The following SNX8 variants were observed in gnomAD, a reference collection of about 807,000 sequenced individuals.
SNX8 encodes the protein sorting nexin 8.
In SNX8, 25 loss-of-function variants were observed where a neutral mutation model predicts 51.6. That is an observed-to-expected ratio of 0.48 (90% CI 0.35 to 0.68). The LOEUF is 0.68. Ranked by LOEUF, SNX8 falls within the 30% of genes least tolerant of loss-of-function variation. The probability of loss-of-function intolerance (pLI) is 0.00; values close to 1 mark genes in which losing one functional copy is unlikely to be tolerated. For synonymous variants in SNX8, 324 were observed against 277.0 expected, an observed-to-expected ratio of 1.17 and a Z score of -1.68; for missense variants, 695 against 624.0, an observed-to-expected ratio of 1.11 and a Z score of -1.21.
chr7:2,333,839 CATAAAA>C (rs1778780015), intron 1 of SNX8, among the ~76,000 whole-genome samples: 1 of 152,162 alleles, frequency 6.6e-6, no homozygotes, highest in Non-Finnish European at 1.5e-5. Context: ...TAGGTCTAAA[CATAAAA>C]GTTGGCCAGG....
chr7:2,349,375 G>A (rs78171303), intron 1 of SNX8, among the ~76,000 whole-genome samples: 6,399 of 151,510 alleles, frequency 0.042, 434 homozygotes, highest in African/African-American at 0.14. Context: ...CCTTTTTTAA[G>A]TGTTATATTT....
At chr7:2,304,497 T>TCG (rs1796502313) in intron 1 of SNX8, among the ~76,000 whole-genome samples, 1 of 150,336 alleles carries the variant, frequency 6.7e-6, no homozygotes, top group Non-Finnish European at 1.5e-5. Flanking sequence ...CGAGCGGAGA[T>TCG]TGCCCCACTG....
intron 2 of SNX8, among the ~76,000 whole-genome samples, chr7:2,277,055 G>A (rs1008559616): frequency 2.0e-5 from 3 of 152,242 alleles, no homozygotes; most frequent in Non-Finnish European, 4.4e-5. Context: ...GGCCAGGGCC[G>A]CCCTCTCCCA....
At chr7:2,346,095 C>T (rs1313691823) in intron 1 of SNX8, among the ~76,000 whole-genome samples, 4 of 152,156 alleles carry the variant, frequency 2.6e-5, no homozygotes, top group African/African-American at 2.4e-5. Context: ...GCGTGAGCCA[C>T]CACACCCAGC....
chr7:2,263,272 C>T lies in SNX8; in HGVS notation c.873G>A (p.Leu291=), dbSNP rs1284894362. 1 of 1,613,868 alleles carries T rather than the reference C, an allele frequency of 6.2e-7. No individual in the cohort carries two copies. Among genetic ancestry groups the T allele is most frequent in the Non-Finnish European group, 8.5e-7 (1 of 1,180,036 alleles). The part of the protein sequence containing the change: ...WGSLKQALKG[L]SVEFALLADK... ...CGGCGAGCAGCGCGAATTCCACAGA[C>T]AGGCCTTTCAGAGCCTGCTTCAGGG... Residue 291 remains leucine (L), a synonymous_variant, in exon 7 of 11, where the codon CTG becomes CTA. Transcript: ENST00000222990.
chr7:2,282,567 G>A (rs750354900), intron 1 of SNX8, among the ~76,000 whole-genome samples: 34 of 152,190 alleles, frequency 2.2e-4, no homozygotes, highest in Non-Finnish European at 5.9e-5. Flanking sequence ...CCCATCTCCC[G>A]CCCAGTGTCT....
chr7:2,281,296 G>GTA (rs1291698461), intron 1 of SNX8, among the ~76,000 whole-genome samples: 1 of 151,934 alleles, frequency 6.6e-6, no homozygotes, highest in East Asian at 1.9e-4. Context: ...GGCGCAACCT[G>GTA]TAGTCCCAGC....
intron 1 of SNX8, among the ~76,000 whole-genome samples, chr7:2,295,402 CAAA>C (rs35446427): frequency 3.3e-5 from 3 of 91,918 alleles, no homozygotes; most frequent in South Asian, 3.7e-4. Context: ...TACTCCATCT[CAAA>C]AAAAAAAAAA....
intron 1 of SNX8, among the ~76,000 whole-genome samples, chr7:2,324,437 T>C (rs914351094): frequency 5.9e-5 from 9 of 151,636 alleles, no homozygotes; most frequent in African/African-American, 2.2e-4. Context: ...ATTACAGGCA[T>C]GCGCCACCAC....
intron 1 of SNX8, among the ~76,000 whole-genome samples, chr7:2,303,571 G>T (rs1676269422): frequency 1.3e-5 from 2 of 152,234 alleles, no homozygotes; most frequent in African/African-American, 2.4e-5. Flanking sequence ...TGTGTAGAAA[G>T]AAGTAGACAT....
At position 2,255,040 on chromosome 7, in the gene SNX8, AC is replaced by A. The variant is rs1795142113; in HGVS notation, c.*15del. On this transcript the variant is annotated 3_prime_UTR_variant, in exon 11 of 11. Coordinates refer to ENST00000222990, the MANE Select transcript of SNX8 (RefSeq NM_013321.4). ...TTTTAGTGCGGCCGCAGGGAGCACC[AC>A]CTCAGCCTCAGGCGCTAGTGAGGAC... is the stretch of plus-strand genomic sequence containing the variant. 6.6e-7 allele frequency: 1 copy of A among 1,507,896 alleles called. No homozygotes were observed. Among genetic ancestry groups the A allele is most frequent in the Non-Finnish European group, 9.0e-7 (1 of 1,106,472 alleles). 93.4% of individuals were successfully genotyped at this position (1,507,896 alleles called of 1,614,324 possible).
chr7:2,269,523 T>TA (rs375189373), intron 5 of SNX8, 36 bp downstream of exon 5: 96,342 of 867,602 alleles, frequency 0.11, 93 homozygotes, highest in South Asian at 0.15. Flanking sequence ...AAAAATAAAT[T>TA]AAAAAAAAAA....
intron 2 of SNX8, among the ~76,000 whole-genome samples, 178 bp downstream of exon 2, chr7:2,277,922 G>A (rs1381757618): frequency 6.6e-6 from 1 of 152,104 alleles, no homozygotes; most frequent in Non-Finnish European, 1.5e-5. Context: ...GGGAGCAGAG[G>A]TGTGGAAAAG....
intron 7 of SNX8, among the ~76,000 whole-genome samples, chr7:2,262,176 T>C (rs1247444148): frequency 6.6e-6 from 1 of 152,152 alleles, no homozygotes. Flanking sequence ...TAGCTGGGAC[T>C]ACAGACACGC....
At chr7:2,346,470 A>G (rs1478677763) in intron 1 of SNX8, among the ~76,000 whole-genome samples, 2 of 151,280 alleles carry the variant, frequency 1.3e-5, no homozygotes, top group Non-Finnish European at 2.9e-5. Context: ...TGAGGCAGCC[A>G]GGCACGGTGG....
rs1796717981 is a variant in SNX8 at position 2,314,342 on chromosome 7, T to C, written c.80A>G (p.Asp27Gly). The change falls in exon 1 of 11, where the codon GAT becomes GGT. Residue 27 changes from aspartate to glycine, a missense_variant. Coordinates refer to ENST00000222990, the MANE Select transcript of SNX8 (RefSeq NM_013321.4). ...AAEAEADEEA[D>G]PPASDLPTPQ... ...CCACGCCCTACCTGACGCCGGGGGATCCGCCTCCTCGTCAGCCTCCGCCTC... is the reference window on the plus strand; with the variant it reads ...CCACGCCCTACCTGACGCCGGGGGACCCGCCTCCTCGTCAGCCTCCGCCTC... 1.6e-6 allele frequency: 2 copies of C among 1,223,464 alleles called. No individual in the cohort carries two copies. The highest frequency in any genetic ancestry group is 2.0e-6 in the Non-Finnish European group (2 of 982,456). The allele number at this position is 1,223,464 out of a possible 1,614,324, so 75.8% of individuals were successfully genotyped here.
chr7:2,313,825 G>T (rs968703433), intron 1 of SNX8, among the ~76,000 whole-genome samples: 1 of 152,246 alleles, frequency 6.6e-6, no homozygotes, highest in Non-Finnish European at 1.5e-5. Context: ...TCGGTTCACA[G>T]ATGAGAAAAC....
intron 2 of SNX8, among the ~76,000 whole-genome samples, chr7:2,276,529 G>A (rs1337697825): frequency 1.3e-5 from 2 of 152,134 alleles, no homozygotes; most frequent in Non-Finnish European, 2.9e-5. Context: ...AAGGCCAGGT[G>A]CAGTGGCTCA....
chr7:2,310,006 A>G (rs1796629784), intron 1 of SNX8: 1 of 391,232 alleles, frequency 2.6e-6, no homozygotes, highest in African/African-American at 2.1e-5. Flanking sequence ...AACCGAATGG[A>G]ATGTATGGAA....
Sources: allele counts gnomAD v4.1 joint callset (sites outside exome capture counted in the v4.1 genomes callset), GRCh38; gene constraint gnomAD v4.1.1; transcripts MANE v1.5; gene names NCBI Gene and HGNC (gene_info 2026-07-23, HGNC 2026-07-21).